The following SPAG9 variants were observed in gnomAD, a reference collection of about 807,000 sequenced individuals.
SPAG9 encodes sperm associated antigen 9.
A neutral mutation model predicts 166.5 loss-of-function variants in SPAG9; 35 were observed. The ratio of observed to expected loss-of-function variants is 0.21; its 90% CI spans 0.16 to 0.28. The LOEUF (loss-of-function observed/expected upper bound fraction) is 0.28. Among genes scored for constraint, SPAG9 ranks in the 10% least tolerant of loss-of-function variants. The pLI is 1.00. For missense variants in SPAG9, 1,235 were observed against 1,603.3 expected, an observed-to-expected ratio of 0.77 and a Z score of 3.92; for synonymous variants, 534 against 565.5, an observed-to-expected ratio of 0.94 and a Z score of 0.79.
At chr17:51,055,065 C>T (rs945960949) in intron 3 of SPAG9, among the ~76,000 whole-genome samples, 5 of 152,054 alleles carry the variant, frequency 3.3e-5, no homozygotes, top group African/African-American at 7.2e-5. Context: ...TAAACAGCAA[C>T]GTCCAGGCAC....
At chr17:50,989,943 T>C (rs891969874) in intron 20 of SPAG9, 71 bp from the exon 21 acceptor site, 64 of 1,290,622 alleles carry the variant, frequency 5.0e-5, no homozygotes, top group Non-Finnish European at 6.2e-5. Flanking sequence ...CACAAACCCC[T>C]GTTATAGAAT....
At chr17:51,040,760 C>T (rs2046807388) in intron 5 of SPAG9, among the ~76,000 whole-genome samples, 1 of 152,034 alleles carries the variant, frequency 6.6e-6, no homozygotes, top group Non-Finnish European at 1.5e-5. Context: ...AAAAATAAAG[C>T]AGGAAAAGGA....
intron 5 of SPAG9, chr17:51,031,923 A>G: frequency 1.5e-6 from 1 of 673,006 alleles, no homozygotes. Context: ...ATCATGGTTC[A>G]GAAGCCACCA....
chr17:50,988,711 G>A lies in SPAG9; in HGVS notation c.2813+966C>T, dbSNP rs75875779. Among the ~76,000 whole-genome samples, 4 of 152,154 alleles carry A rather than the reference G, an allele frequency of 2.6e-5. No individual in the cohort carries two copies. The East Asian group carries it at 5.8e-4, about 22-fold the overall frequency. ...TGGGACCATAGGTGCACGCTACCACGCCCAGCGAATCATTAAGTTTTTTGT... is the reference window on the plus strand; with the variant it reads ...TGGGACCATAGGTGCACGCTACCACACCCAGCGAATCATTAAGTTTTTTGT... On this transcript the variant is annotated intron_variant, in intron 21 of 29. Coordinates refer to ENST00000262013, the MANE Select transcript of SPAG9 (RefSeq NM_001130528.3).
chr17:51,090,295 A>G (rs1226499959), intron 1 of SPAG9, among the ~76,000 whole-genome samples: 1 of 151,970 alleles, frequency 6.6e-6, no homozygotes, highest in Non-Finnish European at 1.5e-5. Flanking sequence ...GGCCGAGGCA[A>G]GCAGATCATG....
At chr17:51,006,538 C>A (rs2045227177) in intron 10 of SPAG9, among the ~76,000 whole-genome samples, 1 of 152,098 alleles carries the variant, frequency 6.6e-6, no homozygotes, top group Non-Finnish European at 1.5e-5. Flanking sequence ...GAATATATTA[C>A]CCAATCAATA....
At chr17:51,081,904 T>C (rs1213717055) in intron 1 of SPAG9, among the ~76,000 whole-genome samples, 3 of 152,126 alleles carry the variant, frequency 2.0e-5, no homozygotes, top group Non-Finnish European at 4.4e-5. Flanking sequence ...CTCCTTCCCA[T>C]TCTCTGATTC....
chr17:51,015,452 C>A (rs2045656202), intron 8 of SPAG9, among the ~76,000 whole-genome samples: 1 of 151,980 alleles, frequency 6.6e-6, no homozygotes, highest in Admixed American at 6.6e-5. Flanking sequence ...ATGTTATAGG[C>A]AGGAAAGTGG....
At chr17:51,110,037 A>G (rs1404582947) in intron 1 of SPAG9, among the ~76,000 whole-genome samples, 3 of 152,152 alleles carry the variant, frequency 2.0e-5, no homozygotes, top group African/African-American at 4.8e-5. Flanking sequence ...AACGTAAATA[A>G]TATGGTGGTT....
At chr17:51,095,922 T>C (rs1040001740) in intron 1 of SPAG9, among the ~76,000 whole-genome samples, 11 of 138,896 alleles carry the variant, frequency 7.9e-5, no homozygotes, top group Non-Finnish European at 1.4e-4. Context: ...GATATATATA[T>C]AGTGATATAT....
chr17:51,097,648 T>C, intron 1 of SPAG9, among the ~76,000 whole-genome samples: 1 of 152,112 alleles, frequency 6.6e-6, no homozygotes, highest in South Asian at 2.1e-4. Context: ...GGCATAAGTG[T>C]TGTCGGTAGT....
Position 51,041,492 on chromosome 17 carries a change from A to G in SPAG9, c.741+9T>C. On this transcript the variant is annotated intron_variant, in intron 5 of 29. Transcript: ENST00000262013. ...TAAACTGACACAATTTCAGCAGCAT[A>G]AAGCTTACCTTCAGGCTGGTATGAG... is the stretch of plus-strand genomic sequence containing the variant. 3 of 1,611,736 alleles carry G rather than the reference A, an allele frequency of 1.9e-6. No individual in the cohort carries two copies. The highest frequency in any genetic ancestry group is 2.5e-6 in the Non-Finnish European group (3 of 1,178,964).
chr17:50,966,506 C>A, intron 29 of SPAG9, 119 bp from the exon 30 acceptor site: 1 of 692,460 alleles, frequency 1.4e-6, no homozygotes. Context: ...GTCTGACTTT[C>A]ACTGGAGAGT....
At chr17:51,022,014 T>C (rs1041371882) in intron 6 of SPAG9, among the ~76,000 whole-genome samples, 1 of 151,492 alleles carries the variant, frequency 6.6e-6, no homozygotes, top group African/African-American at 2.4e-5. Flanking sequence ...TCCCAGCTAC[T>C]TGGGAGGCTG....
Position 50,990,526 on chromosome 17 carries a change from A to C in SPAG9, c.2541T>G (p.Cys847Trp), listed in dbSNP as rs777118918. The change falls in exon 20 of 30, where the codon TGT becomes TGG. Residue 847 changes from cysteine to tryptophan, a missense_variant. By Grantham distance (215) the Cys-to-Trp change is radical. Around this residue, in one of 6 missense-constraint regions of SPAG9, gnomAD observed 493 missense variants for 559.4 expected, o/e 0.88. Transcript: ENST00000262013. Reference protein sequence around the residue: ...SLLGGITVVGCSAEGVTGAAT... With the variant: ...SLLGGITVVGWSAEGVTGAAT... The stretch of plus-strand genomic sequence containing the variant: ...CAGCTCCCGTCACACCTTCTGCAGA[A>C]CAACCAACCACTGTGATGCCTCCTA... 1.9e-5 allele frequency: 30 copies of C among 1,614,202 alleles called. No individual in the cohort carries two copies. The highest frequency in any genetic ancestry group is 2.3e-5 in the Non-Finnish European group (27 of 1,180,014).
intron 1 of SPAG9, among the ~76,000 whole-genome samples, chr17:51,117,357 CT>C (rs989123731): frequency 6.6e-6 from 1 of 152,092 alleles, no homozygotes; most frequent in Admixed American, 6.6e-5. Flanking sequence ...TTTCAAATCA[CT>C]TTTGCTGTAA....
chr17:51,000,711 A>G (rs1222100071), intron 13 of SPAG9, among the ~76,000 whole-genome samples: 2 of 151,930 alleles, frequency 1.3e-5, no homozygotes, highest in African/African-American at 4.8e-5. Context: ...CAGCCTGGGC[A>G]CAGAGCAAGA....
chr17:50,976,840 TTAAC>T (rs1974243368), intron 27 of SPAG9: 1 of 298,434 alleles, frequency 3.4e-6, no homozygotes, highest in Non-Finnish European at 6.3e-6. Flanking sequence ...AAAATGGACT[TTAAC>T]TTTTATTTCA....
intron 1 of SPAG9, among the ~76,000 whole-genome samples, chr17:51,112,370 CAAAAAAAAA>C (rs767699831): frequency 3.4e-4 from 13 of 38,564 alleles, no homozygotes; most frequent in African/African-American, 1.1e-3. Flanking sequence ...CCCATCTCTA[CAAAAAAAAA>C]AAAAAAAAAA....
Sources: allele counts gnomAD v4.1 joint callset (sites outside exome capture counted in the v4.1 genomes callset), GRCh38; gene constraint gnomAD v4.1.1; regional missense constraint gnomAD v4.1.1; transcripts MANE v1.5; gene names NCBI Gene and HGNC (gene_info 2026-07-23, HGNC 2026-07-21).